Variants in MAML2 observed in about 807,000 individuals in gnomAD.
MAML2 encodes mastermind like transcriptional coactivator 2.
MAML2 carries 22 observed loss-of-function variants against 96.1 expected under a neutral mutation model. The ratio of observed to expected loss-of-function variants is 0.23; its 90% confidence interval spans 0.16 to 0.33. The LOEUF is 0.33. MAML2 is among the 10% of genes least tolerant of loss of function. The pLI is 1.00. For missense variants in MAML2, 1,367 were observed against 1,392.4 expected (o/e 0.98, Z 0.29); for synonymous variants, 561 against 521.3 (o/e 1.08, Z -1.04).
chr11:96,060,448 A>AT (rs552998833), intron 2 of MAML2, among the ~76,000 whole-genome samples: 8,665 of 147,124 alleles, frequency 0.059, 274 homozygotes, highest in Non-Finnish European at 0.069. Flanking sequence ...CATTTGTTCT[A>AT]TTTTTTTTTT....
At chr11:96,007,736 A>G (rs1232652294) in intron 2 of MAML2, among the ~76,000 whole-genome samples, 1 of 152,114 alleles carries the variant, frequency 6.6e-6, no homozygotes, top group Non-Finnish European at 1.5e-5. Context: ...TTACTTAGAT[A>G]TTATTAAGAA....
chr11:96,139,573 T>C (rs1343907518), intron 1 of MAML2, among the ~76,000 whole-genome samples: 1 of 148,588 alleles, frequency 6.7e-6, no homozygotes, highest in Non-Finnish European at 1.5e-5. Context: ...TAAGAGAGAA[T>C]AAGAAATCCC....
Position 95,991,511 on chromosome 11 carries a change from A to G in MAML2, c.2343+9T>C. On this transcript the variant is annotated intron_variant, in intron 3 of 4. Transcript: ENST00000524717. ...GGTTTGTTCAGTAGAAATTAAGAGAAAGTTTTACCGCGTCAGCCAGCATCT... is the reference window on the plus strand; with the variant it reads ...GGTTTGTTCAGTAGAAATTAAGAGAGAGTTTTACCGCGTCAGCCAGCATCT... 1 of 1,613,302 alleles carries G rather than the reference A, an allele frequency of 6.2e-7. No individual in the cohort carries two copies. The highest frequency in any genetic ancestry group is 8.5e-7 in the Non-Finnish European group (1 of 1,179,356).
At chr11:96,136,738 T>G (rs1265434665) in intron 1 of MAML2, among the ~76,000 whole-genome samples, 2 of 152,232 alleles carry the variant, frequency 1.3e-5, no homozygotes, top group South Asian at 2.1e-4. Flanking sequence ...TCAAAATGCA[T>G]GAAAGCCCAC....
At chr11:96,010,347 C>A (rs990425510) in intron 2 of MAML2, among the ~76,000 whole-genome samples, 22 of 152,114 alleles carry the variant, frequency 1.4e-4, no homozygotes, top group African/African-American at 5.1e-4. Flanking sequence ...AGATTTAGAG[C>A]AAATCTACTA....
At chr11:96,068,852 T>C (rs1436169418) in intron 2 of MAML2, among the ~76,000 whole-genome samples, 2 of 150,010 alleles carry the variant, frequency 1.3e-5, no homozygotes, top group South Asian at 2.1e-4. Flanking sequence ...AAAGAAGGTA[T>C]GTATTTTAGC....
chr11:96,250,390 CATTT>C (rs1369884439), intron 1 of MAML2, among the ~76,000 whole-genome samples: 1 of 152,090 alleles, frequency 6.6e-6, no homozygotes, highest in African/African-American at 2.4e-5. Context: ...AAACATTTAT[CATTT>C]ATTTGTGTTG....
chr11:96,050,306 A>G (rs1301391990), intron 2 of MAML2, among the ~76,000 whole-genome samples: 1 of 152,168 alleles, frequency 6.6e-6, no homozygotes, highest in Non-Finnish European at 1.5e-5. Context: ...ATAGGGTGAA[A>G]GATCACTGGG....
At chr11:96,050,230 G>A (rs1380703940) in intron 2 of MAML2, among the ~76,000 whole-genome samples, 1 of 152,208 alleles carries the variant, frequency 6.6e-6, no homozygotes, top group East Asian at 1.9e-4. Flanking sequence ...GTATGTGTGA[G>A]AGAGTCAACT....
intron 1 of MAML2, among the ~76,000 whole-genome samples, chr11:96,248,271 C>A (rs1389517212): frequency 2.0e-5 from 3 of 151,782 alleles, no homozygotes; most frequent in Non-Finnish European, 2.9e-5. Flanking sequence ...TGCCACCATG[C>A]CTGGCTAATT....
intron 1 of MAML2, among the ~76,000 whole-genome samples, chr11:96,122,358 C>A (rs948317118): frequency 1.3e-5 from 2 of 151,956 alleles, no homozygotes; most frequent in African/African-American, 4.8e-5. Context: ...TCCCCTGGAG[C>A]TGCAGAAAAT....
intron 1 of MAML2, among the ~76,000 whole-genome samples, chr11:96,295,394 A>T (rs533766633): frequency 3.9e-5 from 6 of 152,312 alleles, no homozygotes; most frequent in African/African-American, 1.4e-4. Flanking sequence ...CACCAAGTGC[A>T]TTTAAAACCA....
chr11:96,334,569 T>C (rs1426195718), intron 1 of MAML2, among the ~76,000 whole-genome samples: 2 of 152,148 alleles, frequency 1.3e-5, no homozygotes, highest in Non-Finnish European at 2.9e-5. Flanking sequence ...AAGCCAACTG[T>C]AACAGTTCTA....
At chr11:96,218,579 T>A (rs919809799) in intron 1 of MAML2, among the ~76,000 whole-genome samples, 1 of 152,228 alleles carries the variant, frequency 6.6e-6, no homozygotes, top group African/African-American at 2.4e-5. Context: ...TCCTGCCCCA[T>A]TGGTCTCATT....
chr11:96,328,092 TC>T (rs1219792322), intron 1 of MAML2, among the ~76,000 whole-genome samples: 1 of 151,854 alleles, frequency 6.6e-6, no homozygotes, highest in African/African-American at 2.4e-5. Context: ...TGATATTCCA[TC>T]CCCCCAAAAT....
In MAML2 at chr11:96,018,918, C is replaced by T. The variant is rs1197585785; in HGVS notation, c.2140-27195G>A. On this transcript the variant is annotated intron_variant, in intron 2 of 4. Coordinates refer to ENST00000524717, the MANE Select transcript of MAML2 (RefSeq NM_032427.4). ...GTTAAGAATTGACCACTGGAATTGG[C>T]AATGTAGATATCACTAATAGTTTTG... 4.6e-5 allele frequency among the ~76,000 whole-genome samples: 7 copies of T among 152,090 alleles called. No homozygotes were observed. The East Asian group carries it at 1.2e-3, about 25-fold the overall frequency.
chr11:96,285,646 A>G lies in MAML2; in HGVS notation c.513+55737T>C, dbSNP rs1326249861. Reference sequence around the variant, plus strand: ...CAAGAAAAAAACCCCAAACAACCCCATTAAAAAGTAGGCAAACAACACGAA... The same window carrying G: ...CAAGAAAAAAACCCCAAACAACCCCGTTAAAAAGTAGGCAAACAACACGAA... On this transcript the variant is annotated intron_variant, in intron 1 of 4. Coordinates refer to ENST00000524717, the MANE Select transcript of MAML2 (RefSeq NM_032427.4). Among the ~76,000 whole-genome samples the G allele has an allele frequency of 2.0e-5, 3 of 152,198 alleles. No homozygotes were observed. In the South Asian group the frequency reaches 6.2e-4, roughly 32 times the overall value.
intron 1 of MAML2, among the ~76,000 whole-genome samples, chr11:96,252,193 A>C (rs544947456): frequency 1.2e-4 from 18 of 151,446 alleles, no homozygotes; most frequent in East Asian, 3.9e-4. Flanking sequence ...ACACACACAC[A>C]CCCCACACAC....
chr11:96,156,642 T>A (rs554663589), intron 1 of MAML2, among the ~76,000 whole-genome samples: 2 of 152,326 alleles, frequency 1.3e-5, no homozygotes, highest in South Asian at 4.1e-4. Context: ...ACTTTTCAGA[T>A]CACAGAGGTA....
Sources: gnomAD v4.1 joint callset for allele counts (sites outside exome capture counted in the v4.1 genomes callset) on GRCh38, gnomAD v4.1.1 for gene constraint, MANE v1.5 for transcripts, NCBI Gene and HGNC (gene_info 2026-07-23, HGNC 2026-07-21) for gene names.